NKAIN3: variants seen among roughly 807,000 people sequenced by gnomAD.
NKAIN3 encodes sodium/potassium transporting ATPase interacting 3, also known as sodium/potassium-transporting ATPase subunit beta-1-interacting protein 3.
In NKAIN3, 25 loss-of-function variants were observed where a neutral mutation model predicts 30.2. The ratio of observed to expected loss-of-function variants is 0.83; its 90% CI spans 0.60 to 1.16. The LOEUF (loss-of-function observed/expected upper bound fraction) is 1.16. Among genes scored for constraint, NKAIN3 ranks in the 50% most tolerant of loss-of-function variants. NKAIN3 has a pLI of 0.00. For missense variants in NKAIN3, 225 were observed against 254.1 expected (o/e 0.89, Z 0.78); for synonymous variants, 91 against 89.6 (o/e 1.02, Z -0.09).
downstream of NKAIN3, among the ~76,000 whole-genome samples, chr8:62,986,500 A>C (rs1824202053): frequency 6.6e-6 from 1 of 152,180 alleles, no homozygotes; most frequent in Admixed American, 6.5e-5. Context: ...CAGCCTCTCA[A>C]ACATGGTGCC....
At chr8:62,926,485 C>T (rs183202520) in intron 5 of NKAIN3, among the ~76,000 whole-genome samples, 8 of 152,262 alleles carry the variant, frequency 5.3e-5, no homozygotes, top group African/African-American at 1.9e-4. Context: ...ATGTGAGCCG[C>T]CCAACCCGCT....
At position 62,870,688 on chromosome 8, in the gene NKAIN3, TCTC is replaced by T. The variant is rs1388364013; in HGVS notation, c.472-47764_472-47762del. Among the ~76,000 whole-genome samples the T allele has an allele frequency of 9.6e-3, 1,244 of 129,936 alleles. 48 individuals carry two copies. Among genetic ancestry groups the T allele is most frequent in the African/African-American group, 0.012 (395 of 32,462 alleles). 85.2% of individuals were successfully genotyped at this position (129,936 alleles called of 152,430 possible). On this transcript the variant is annotated intron_variant, in intron 4 of 6. Coordinates refer to ENST00000623646, the MANE Select transcript of NKAIN3 (RefSeq NM_001304533.3). ...ATATAGATATCTATATATCTATATC[TCTC>T]TATCTATATATCTATATATCTATAT... is the stretch of plus-strand genomic sequence containing the variant.
At chr8:62,675,532 A>G (rs1215443114) in intron 3 of NKAIN3, among the ~76,000 whole-genome samples, 1 of 152,140 alleles carries the variant, frequency 6.6e-6, no homozygotes, top group Non-Finnish European at 1.5e-5. Flanking sequence ...CCATATTTAA[A>G]CCACCCACAC....
intron 1 of NKAIN3, among the ~76,000 whole-genome samples, chr8:62,547,943 T>G (rs1809069467): frequency 6.6e-6 from 1 of 152,184 alleles, no homozygotes; most frequent in African/African-American, 2.4e-5. Context: ...TGCATTTCTC[T>G]CAAGCTCCCA....
Position 62,681,750 on chromosome 8 carries a change from A to T in NKAIN3, c.274-65182A>T, listed in dbSNP as rs548449644. On this transcript the variant is annotated intron_variant, in intron 3 of 6. Transcript: ENST00000623646. Reference sequence around the variant, plus strand: ...AATATGACTTTATATATACTCCCAGATAACATACTTGAATATTGGTCATGC... The same window carrying T: ...AATATGACTTTATATATACTCCCAGTTAACATACTTGAATATTGGTCATGC... Among the ~76,000 whole-genome samples the T allele has an allele frequency of 2.6e-5, 4 of 152,340 alleles. No individual in the cohort carries two copies. In the East Asian group the frequency reaches 7.7e-4, roughly 29 times the overall value.
intron 1 of NKAIN3, among the ~76,000 whole-genome samples, chr8:62,498,241 T>A (rs759943183): frequency 6.6e-6 from 1 of 152,112 alleles, no homozygotes; most frequent in Admixed American, 6.6e-5. Flanking sequence ...CAGGGAAGAA[T>A]TGGTCTGAAG....
At chr8:62,852,859 G>A (rs1467052001) in intron 4 of NKAIN3, among the ~76,000 whole-genome samples, 1 of 152,154 alleles carries the variant, frequency 6.6e-6, no homozygotes, top group Non-Finnish European at 1.5e-5. Context: ...TTGCTGACGA[G>A]TGCTTAACTT....
chr8:62,474,810 T>A (rs866515279), intron 1 of NKAIN3, among the ~76,000 whole-genome samples: 1 of 152,082 alleles, frequency 6.6e-6, no homozygotes, highest in South Asian at 2.1e-4. Context: ...CAGATGGAAA[T>A]CCAGATCTAA....
At chr8:62,569,826 G>A (rs1809877110) in intron 1 of NKAIN3, among the ~76,000 whole-genome samples, 2 of 151,208 alleles carry the variant, frequency 1.3e-5, no homozygotes, top group East Asian at 1.9e-4. Flanking sequence ...AAATGGCCTA[G>A]GAAATACCAA....
At chr8:62,394,098 T>G (rs1031501160) in intron 1 of NKAIN3, among the ~76,000 whole-genome samples, 2 of 152,206 alleles carry the variant, frequency 1.3e-5, no homozygotes, top group African/African-American at 4.8e-5. Flanking sequence ...CTTGCTATAC[T>G]TGCAGCGGTG....
At chr8:62,716,971 A>G (rs757151248) in intron 3 of NKAIN3, among the ~76,000 whole-genome samples, 25 of 152,276 alleles carry the variant, frequency 1.6e-4, no homozygotes, top group Middle Eastern at 3.4e-3. Context: ...CCTAAACATT[A>G]ACATTTGTTA....
chr8:62,375,146 C>A (rs960709014), intron 1 of NKAIN3, among the ~76,000 whole-genome samples: 1 of 152,162 alleles, frequency 6.6e-6, no homozygotes, highest in Non-Finnish European at 1.5e-5. Context: ...ACCAGACCAG[C>A]TTTTTCACTC....
chr8:62,585,455 C>A (rs1810439258), intron 2 of NKAIN3, among the ~76,000 whole-genome samples: 2 of 152,268 alleles, frequency 1.3e-5, no homozygotes, highest in South Asian at 2.1e-4. Context: ...GGAATGTGTA[C>A]CTTAGGGCAG....
At chr8:62,653,844 C>T (rs930319370) in intron 3 of NKAIN3, among the ~76,000 whole-genome samples, 8 of 152,094 alleles carry the variant, frequency 5.3e-5, no homozygotes, top group Non-Finnish European at 4.4e-5. Context: ...AACAAGAAAC[C>T]TTGTGATATT....
intron 3 of NKAIN3, among the ~76,000 whole-genome samples, chr8:62,712,425 G>A (rs1044184623): frequency 7.2e-5 from 11 of 152,120 alleles, no homozygotes; most frequent in Non-Finnish European, 1.2e-4. Context: ...CTGCTGTGGA[G>A]GATGGGGGTA....
At chr8:62,998,339 A>G (rs12544234) in intron 5 of NKAIN3, among the ~76,000 whole-genome samples, 29,474 of 151,642 alleles carry the variant, frequency 0.19, 2,985 homozygotes, top group East Asian at 0.41. Context: ...GCAGTGGCCC[A>G]ATCTCGGCTT....
chr8:62,679,643 A>C (rs912951266), intron 3 of NKAIN3, among the ~76,000 whole-genome samples: 1 of 152,202 alleles, frequency 6.6e-6, no homozygotes, highest in African/African-American at 2.4e-5. Context: ...AAGGGGAAGC[A>C]GACACATCTT....
intron 1 of NKAIN3, among the ~76,000 whole-genome samples, chr8:62,395,927 A>T (rs1026987334): frequency 2.0e-5 from 3 of 152,214 alleles, no homozygotes; most frequent in Non-Finnish European, 4.4e-5. Context: ...CTGTTAAAAA[A>T]TTGTAAAATG....
chr8:62,679,760 G>A (rs931897248), intron 3 of NKAIN3, among the ~76,000 whole-genome samples: 1 of 152,088 alleles, frequency 6.6e-6, no homozygotes, highest in African/African-American at 2.4e-5. Flanking sequence ...TAGCAGGGGT[G>A]GTGTTAAACC....
Sources: gnomAD v4.1 joint callset for allele counts (sites outside exome capture counted in the v4.1 genomes callset) on GRCh38, gnomAD v4.1.1 for gene constraint, MANE v1.5 for transcripts, NCBI Gene and HGNC (gene_info 2026-07-23, HGNC 2026-07-21) for gene names.